Variants in PTP4A2 observed in about 807,000 individuals in gnomAD.
PTP4A2 encodes protein tyrosine phosphatase type IVA 2.
A neutral mutation model predicts 22.9 loss-of-function variants in PTP4A2; 2 were observed. The ratio of observed to expected loss-of-function variants is 0.09; its 90% CI spans 0.04 to 0.27. The LOEUF (loss-of-function observed/expected upper bound fraction) is 0.27, where lower values mean the gene tolerates loss of function less well. Among genes scored for constraint, PTP4A2 ranks in the 10% least tolerant of loss-of-function variants. The pLI is 1.00. For synonymous variants in PTP4A2, 68 were observed against 69.1 expected (o/e 0.98, Z 0.08); for missense variants, 103 against 205.1 (o/e 0.50, Z 3.04).
intron 1 of PTP4A2, among the ~76,000 whole-genome samples, chr1:31,922,656 T>C (rs1433797131): frequency 6.6e-6 from 1 of 150,994 alleles, no homozygotes; most frequent in Non-Finnish European, 1.5e-5. Context: ...TTGAGACAGG[T>C]TTTCACTCTG....
intron 1 of PTP4A2, among the ~76,000 whole-genome samples, chr1:31,925,686 G>A (rs1027544509): frequency 1.3e-5 from 2 of 151,978 alleles, no homozygotes; most frequent in Non-Finnish European, 2.9e-5. Context: ...CGTGAACCCG[G>A]GAGGCAGAGC....
Position 31,931,133 on chromosome 1 carries a change from G to C in PTP4A2, c.-594+6854C>G, listed in dbSNP as rs868502963. ...TGCACATCATACAAACACTATCCAG[G>C]ATCAAGCTCCTAGAAGAATCAACGT... On this transcript the variant is annotated intron_variant, in intron 1 of 5. Coordinates refer to ENST00000647444, the MANE Select transcript of PTP4A2 (RefSeq NM_080391.4). 2.4e-4 allele frequency: 37 copies of C among 152,190 alleles called. 1 individual carries two copies. Among genetic ancestry groups the C allele is most frequent in the African/African-American group, 8.2e-4 (34 of 41,438 alleles). 9.4% of individuals were successfully genotyped at this position (152,190 alleles called of 1,614,324 possible).
chr1:31,923,272 T>A (rs1162913700), intron 1 of PTP4A2, among the ~76,000 whole-genome samples: 1 of 150,240 alleles, frequency 6.7e-6, no homozygotes, highest in East Asian at 2.0e-4. Context: ...AGTGGTGCAA[T>A]CATAGCTCAC....
chr1:31,915,989 T>C lies in PTP4A2; in HGVS notation c.97-2A>G. On this transcript the variant is annotated splice_acceptor_variant, in intron 2 of 5. Coordinates refer to ENST00000647444, the MANE Select transcript of PTP4A2 (RefSeq NM_080391.4). LOFTEE classifies it high-confidence loss of function. Reference sequence around the variant, plus strand: ...CGTCACTCCATACTTCTTAAGTTCCTTTAAAAAAAAAAAAAATTATAATGG... The same window carrying C: ...CGTCACTCCATACTTCTTAAGTTCCCTTAAAAAAAAAAAAAATTATAATGG... The C allele has an allele frequency of 1.3e-6, 2 of 1,528,552 alleles. No individual in the cohort carries two copies. The highest frequency in any genetic ancestry group is 1.8e-6 in the Non-Finnish European group (2 of 1,132,072). The allele number at this position is 1,528,552 out of a possible 1,614,324, so 94.7% of individuals were successfully genotyped here.
chr1:31,916,573 C>A (rs1030619835), intron 2 of PTP4A2, among the ~76,000 whole-genome samples: 1 of 152,032 alleles, frequency 6.6e-6, no homozygotes, highest in Non-Finnish European at 1.5e-5. Flanking sequence ...AAAAATTCTA[C>A]TTCTGGGAGT....
intron 1 of PTP4A2, chr1:31,932,579 A>G (rs1026106274): frequency 6.6e-6 from 1 of 152,058 alleles, no homozygotes; most frequent in African/African-American, 2.4e-5. Context: ...TAATCTGTCA[A>G]CTCCTCACAG....
chr1:31,928,199 TTATA>T (rs1006784284), intron 1 of PTP4A2, among the ~76,000 whole-genome samples: 1 of 144,238 alleles, frequency 6.9e-6, no homozygotes, highest in Non-Finnish European at 1.5e-5. Flanking sequence ...TAACATATAT[TTATA>T]TATTATAATA....
Position 31,908,795 on chromosome 1 carries a change from G to T in PTP4A2, c.*57C>A. ...TAATATTCCAGATTCACATTTCCAG[G>T]TACCAAGAGTTCCCTCTAAATGGCA... is the stretch of plus-strand genomic sequence containing the variant. On this transcript the variant is annotated 3_prime_UTR_variant, in exon 6 of 6. Coordinates refer to ENST00000647444, the MANE Select transcript of PTP4A2 (RefSeq NM_080391.4). 2.4e-6 allele frequency: 3 copies of T among 1,224,798 alleles called. No homozygotes were observed. Among genetic ancestry groups the T allele is most frequent in the Non-Finnish European group, 3.6e-6 (3 of 833,846 alleles). The allele number at this position is 1,224,798 out of a possible 1,614,324, so 75.9% of individuals were successfully genotyped here.
intron 3 of PTP4A2, chr1:31,913,695 T>G (rs1199542655): frequency 1.5e-5 from 6 of 390,866 alleles, no homozygotes; most frequent in Non-Finnish European, 2.5e-5. Flanking sequence ...AAACCTAAAT[T>G]TAAAGGCCTG....
chr1:31,910,094 T>C lies in PTP4A2; in HGVS notation c.339A>G (p.Ala113=), dbSNP rs756722451. ...AGLGRAPVLV[A]LALIECGMKY... The stretch of plus-strand genomic sequence containing the variant: ...TCATTCCACATTCAATCAAAGCAAG[T>C]GCAACCAGCACAGGTGCCCTGCAGA... Residue 113 remains alanine (A), a synonymous_variant, in exon 5 of 6, where the codon GCA becomes GCG. Coordinates refer to ENST00000647444, the MANE Select transcript of PTP4A2 (RefSeq NM_080391.4). The C allele has an allele frequency of 1.2e-5, 20 of 1,613,430 alleles. No homozygotes were observed. Among genetic ancestry groups the C allele is most frequent in the Non-Finnish European group, 1.6e-5 (19 of 1,179,842 alleles).
chr1:31,909,094 A>G (rs575388303), intron 5 of PTP4A2, 134 bp from the exon 6 acceptor site: 1 of 670,550 alleles, frequency 1.5e-6, no homozygotes, highest in African/African-American at 1.8e-5. Context: ...TACTACAACA[A>G]TTCTTAAAGA....
intron 1 of PTP4A2, among the ~76,000 whole-genome samples, chr1:31,925,850 A>C (rs1197118857): frequency 6.6e-6 from 1 of 151,984 alleles, no homozygotes; most frequent in Non-Finnish European, 1.5e-5. Flanking sequence ...CATCCTTTTA[A>C]AATTCCTATC....
Position 31,916,199 on chromosome 1 carries a change from G to A in PTP4A2, c.97-212C>T, listed in dbSNP as rs192746751. 8.0e-4 allele frequency among the ~76,000 whole-genome samples: 121 copies of A among 151,742 alleles called. 1 individual carries two copies. Among genetic ancestry groups the A allele is most frequent in the Middle Eastern group, 3.4e-3 (1 of 294 alleles). The stretch of plus-strand genomic sequence containing the variant: ...GTCTCTATTAAAAATACAAAGATCA[G>A]CTGAGTGTGGTGGTGCGGGCCTGTA... On this transcript the variant is annotated intron_variant, in intron 2 of 5. Coordinates refer to ENST00000647444, the MANE Select transcript of PTP4A2 (RefSeq NM_080391.4).
intron 1 of PTP4A2, among the ~76,000 whole-genome samples, chr1:31,923,420 C>T (rs747306955): frequency 4.0e-5 from 6 of 149,430 alleles, no homozygotes; most frequent in Non-Finnish European, 7.4e-5. Flanking sequence ...CTGCAAGCTC[C>T]GCCTCCCGGG....
intron 1 of PTP4A2, among the ~76,000 whole-genome samples, chr1:31,934,930 AT>A (rs1182606460): frequency 1.3e-5 from 2 of 152,194 alleles, no homozygotes; most frequent in East Asian, 3.8e-4. Context: ...GTTCAAAACT[AT>A]TTTTCATCTA....
rs994015155 is a variant in PTP4A2, at chr1:31,908,650, T to A, written c.*202A>T. Reference sequence around the variant, plus strand: ...TCACTGAATTAATTCCTTTTCTCTTTCTCTTTTCTTAAACATTTTATTCAT... The same window carrying A: ...TCACTGAATTAATTCCTTTTCTCTTACTCTTTTCTTAAACATTTTATTCAT... On this transcript the variant is annotated 3_prime_UTR_variant, in exon 6 of 6. Transcript: ENST00000647444. The A allele has an allele frequency of 1.0e-5, 4 of 392,272 alleles. No homozygotes were observed. The highest frequency in any genetic ancestry group is 1.8e-5 in the Non-Finnish European group (4 of 220,688). The allele number at this position is 392,272 out of a possible 1,614,324, so 24.3% of individuals were successfully genotyped here.
At chr1:31,915,856 T>C in intron 3 of PTP4A2, 39 bp downstream of exon 3, 3 of 1,324,238 alleles carry the variant, frequency 2.3e-6, no homozygotes, top group Non-Finnish European at 3.2e-6. Context: ...GTTTGAAAGA[T>C]ACAACTTGTT....
intron 3 of PTP4A2, chr1:31,913,727 T>C (rs1156977216): frequency 2.2e-6 from 1 of 445,946 alleles, no homozygotes; most frequent in African/African-American, 2.0e-5. Context: ...AGGCCTACCA[T>C]TATCTTCCTC....
At position 31,913,378 on chromosome 1, in the gene PTP4A2, ATTTG is replaced by A. The variant is rs554503363; in HGVS notation, c.190-1556_190-1553del. ...TTTATCTGATCATAGCTATTTATTTATTTGTTTGTTTGTTTGTTTTTAATGACTT... is the reference window on the plus strand; with the variant it reads ...TTTATCTGATCATAGCTATTTATTTATTTGTTTGTTTGTTTTTAATGACTT... On this transcript the variant is annotated intron_variant, in intron 3 of 5. Transcript: ENST00000647444. Among the ~76,000 whole-genome samples, 886 of 152,154 alleles carry A rather than the reference ATTTG, an allele frequency of 5.8e-3. 2 individuals carry two copies. Among genetic ancestry groups the A allele is most frequent in the African/African-American group, 9.5e-3 (394 of 41,536 alleles).
Sources: allele counts gnomAD v4.1 joint callset (sites outside exome capture counted in the v4.1 genomes callset), GRCh38; gene constraint gnomAD v4.1.1; transcripts MANE v1.5; gene names NCBI Gene and HGNC (gene_info 2026-07-23, HGNC 2026-07-21).